Variants in ARHGAP22 observed in about 807,000 individuals in gnomAD.
The protein encoded by ARHGAP22 is Rho GTPase activating protein 22.
Under a neutral mutation model 59.1 loss-of-function variants are expected in ARHGAP22, and 48 were observed. The ratio of observed to expected loss-of-function variants is 0.81; its 90% CI spans 0.64 to 1.03. The LOEUF is 1.03. Among genes scored for constraint, ARHGAP22 ranks in the 50% least tolerant of loss-of-function variants. The pLI, the probability that ARHGAP22 is intolerant of heterozygous loss-of-function variation, is 0.00. For missense variants in ARHGAP22, 1,015 were observed against 958.7 expected, an observed-to-expected ratio of 1.06 and a Z score of -0.78; for synonymous variants, 445 against 416.4, an observed-to-expected ratio of 1.07 and a Z score of -0.84.
chr10:48,555,839 A>T (rs897116591), intron 2 of ARHGAP22, among the ~76,000 whole-genome samples: 1 of 152,182 alleles, frequency 6.6e-6, no homozygotes, highest in African/African-American at 2.4e-5. Context: ...CACCACTGGG[A>T]GCGCCTGATC....
intron 3 of ARHGAP22, among the ~76,000 whole-genome samples, chr10:48,537,427 C>T (rs920437202): frequency 1.3e-5 from 2 of 152,214 alleles, no homozygotes; most frequent in African/African-American, 4.8e-5. Flanking sequence ...GTGTGTTGCT[C>T]CTGTCCCCAC....
At chr10:48,545,686 C>A (rs2135182097) in intron 3 of ARHGAP22, among the ~76,000 whole-genome samples, 1 of 152,324 alleles carries the variant, frequency 6.6e-6, no homozygotes, top group Non-Finnish European at 1.5e-5. Flanking sequence ...AATCTGTGCA[C>A]ACTGGCTCTC....
chr10:48,654,857 CTCTT>C (rs1441845244), upstream of ARHGAP22, among the ~76,000 whole-genome samples: 1 of 128,730 alleles, frequency 7.8e-6, no homozygotes, highest in African/African-American at 3.0e-5. Context: ...TCTTTTCTTT[CTCTT>C]TCTTTCCTTC....
intron 3 of ARHGAP22, among the ~76,000 whole-genome samples, chr10:48,537,411 C>T (rs938431135): frequency 6.6e-6 from 1 of 152,238 alleles, no homozygotes; most frequent in African/African-American, 2.4e-5. Flanking sequence ...TCCAGCCTCA[C>T]TATGGGTGTG....
At chr10:48,542,053 T>C (rs2135129107) in intron 3 of ARHGAP22, among the ~76,000 whole-genome samples, 1 of 152,294 alleles carries the variant, frequency 6.6e-6, no homozygotes, top group South Asian at 2.1e-4. Context: ...GTGGGAGCTG[T>C]GCATGCCCAG....
rs146701122 is a variant in ARHGAP22 at position 48,493,749 on chromosome 10, C to A, written c.323-13985G>T. The A allele has an allele frequency of 3.8e-6, 4 of 1,042,562 alleles. No homozygotes were observed. The African/African-American group carries it at 4.9e-5, about 13-fold the overall frequency. The allele number at this position is 1,042,562 out of a possible 1,614,324, so 64.6% of individuals were successfully genotyped here. On this transcript the variant is annotated intron_variant, in intron 3 of 9. Transcript: ENST00000249601. ...GCTGGGATCCCCGCCAGTGGGAGGT[C>A]GGCGTGGTTGTTCTGCATCCGCATC...
chr10:48,464,530 A>G (rs769108490), intron 4 of ARHGAP22, among the ~76,000 whole-genome samples: 1 of 152,214 alleles, frequency 6.6e-6, no homozygotes, highest in African/African-American at 2.4e-5. Flanking sequence ...GTGGGGGTGC[A>G]GGGCACATGA....
chr10:48,579,021 T>C (rs1382086371), intron 2 of ARHGAP22, among the ~76,000 whole-genome samples: 4 of 152,188 alleles, frequency 2.6e-5, no homozygotes, highest in Non-Finnish European at 5.9e-5. Context: ...TATTCATGTT[T>C]ATTATGAGAA....
downstream of ARHGAP22, chr10:48,443,825 A>G (rs1342692130): frequency 6.6e-6 from 1 of 152,208 alleles, no homozygotes; most frequent in African/African-American, 2.4e-5. Flanking sequence ...AAGCCAATTA[A>G]GACAAGGAAT....
intron 4 of ARHGAP22, chr10:48,466,812 G>A (rs991602892): frequency 6.6e-6 from 1 of 152,126 alleles, no homozygotes; most frequent in African/African-American, 2.4e-5. Context: ...CAGGATCTGT[G>A]AGTTGCCTGG....
chr10:48,573,974 T>C (rs146374700), intron 2 of ARHGAP22, among the ~76,000 whole-genome samples: 106 of 152,356 alleles, frequency 7.0e-4, no homozygotes, highest in African/African-American at 2.4e-3. Context: ...CTTGTGGAGA[T>C]GCTGTGTGAA....
chr10:48,641,460 T>C (rs2136157402), intron 1 of ARHGAP22, among the ~76,000 whole-genome samples: 1 of 152,336 alleles, frequency 6.6e-6, no homozygotes, highest in Non-Finnish European at 1.5e-5. Context: ...TCAATAAATG[T>C]AATCCAGCAT....
At chr10:48,616,747 G>A (rs1478870507) in intron 1 of ARHGAP22, among the ~76,000 whole-genome samples, 1 of 152,056 alleles carries the variant, frequency 6.6e-6, no homozygotes, top group Non-Finnish European at 1.5e-5. Context: ...TCCTTTAAAT[G>A]TAAAACAGCA....
intron 2 of ARHGAP22, among the ~76,000 whole-genome samples, chr10:48,578,552 GTC>G (rs369869942): frequency 6.8e-6 from 1 of 147,758 alleles, no homozygotes; most frequent in African/African-American, 2.5e-5. Flanking sequence ...GTGTGTGTGT[GTC>G]TGTGTGTGTG....
At chr10:48,577,568 C>G (rs138804949) in intron 2 of ARHGAP22, among the ~76,000 whole-genome samples, 41 of 152,166 alleles carry the variant, frequency 2.7e-4, no homozygotes, top group African/African-American at 9.6e-4. Context: ...GCTTGGAAAC[C>G]AAATGTGGAT....
At chr10:48,502,878 A>G (rs2051671634) in intron 3 of ARHGAP22, among the ~76,000 whole-genome samples, 1 of 152,262 alleles carries the variant, frequency 6.6e-6, no homozygotes, top group South Asian at 2.1e-4. Flanking sequence ...TAGCGGAGAC[A>G]GGCATTAACC....
chr10:48,522,393 C>T (rs552726317), intron 3 of ARHGAP22, among the ~76,000 whole-genome samples: 1 of 152,246 alleles, frequency 6.6e-6, no homozygotes, highest in Non-Finnish European at 1.5e-5. Flanking sequence ...AAGCCAGCAG[C>T]TGGCCTTGGG....
chr10:48,536,844 G>C (rs947105801), intron 3 of ARHGAP22, among the ~76,000 whole-genome samples: 41 of 152,160 alleles, frequency 2.7e-4, no homozygotes, highest in African/African-American at 8.9e-4. Flanking sequence ...ACACTGTGTT[G>C]GTGTATTTGT....
At chr10:48,574,428 A>G (rs1299199105) in intron 2 of ARHGAP22, among the ~76,000 whole-genome samples, 2 of 152,256 alleles carry the variant, frequency 1.3e-5, no homozygotes, top group African/African-American at 2.4e-5. Context: ...CAACAGCAAT[A>G]TCAAAACAGT....
Sources: allele counts gnomAD v4.1 joint callset (sites outside exome capture counted in the v4.1 genomes callset), GRCh38; gene constraint gnomAD v4.1.1; transcripts MANE v1.5; gene names NCBI Gene and HGNC (gene_info 2026-07-23, HGNC 2026-07-21).